FGD5: variants seen among roughly 807,000 people sequenced by gnomAD.
FGD5 encodes the protein FYVE, RhoGEF and PH domain-containing protein 5.
A neutral mutation model predicts 133.4 loss-of-function variants in FGD5; 28 were observed. The observed-to-expected ratio is 0.21, with a 90% CI of 0.16 to 0.29. The LOEUF is 0.29. Ranked by LOEUF, FGD5 falls within the 10% of genes least tolerant of loss-of-function variation. The probability of loss-of-function intolerance (pLI) is 1.00; values close to 1 mark genes in which losing one functional copy is unlikely to be tolerated. For synonymous variants in FGD5, 810 were observed against 776.5 expected (o/e 1.04, Z -0.72); for missense variants, 1,858 against 1,895.2 (o/e 0.98, Z 0.36).
At chr3:14,823,240 A>G (rs189534758) in intron 1 of FGD5, among the ~76,000 whole-genome samples, 2 of 152,304 alleles carry the variant, frequency 1.3e-5, no homozygotes, top group East Asian at 3.9e-4. Flanking sequence ...CTTTACAACA[A>G]TAAACTCTCC....
intron 9 of FGD5, 124 bp downstream of exon 9, chr3:14,901,185 C>T: frequency 9.7e-7 from 1 of 1,030,402 alleles, no homozygotes; most frequent in Non-Finnish European, 1.5e-6. Flanking sequence ...TTGTGGGACT[C>T]TGCAGAGAGC....
rs181920458 is a variant in FGD5, at chr3:14,892,289, C to T, written c.2749-5220C>T. Among the ~76,000 whole-genome samples the T allele has an allele frequency of 2.7e-3, 411 of 152,064 alleles. 5 individuals are homozygous for T. Among genetic ancestry groups the T allele is most frequent in the Non-Finnish European group, 1.5e-3 (100 of 68,002 alleles). On this transcript the variant is annotated intron_variant, in intron 4 of 19. Coordinates refer to ENST00000285046, the MANE Select transcript of FGD5 (RefSeq NM_152536.4). ...CTATCACAACTCACTGCAGTCTCGA[C>T]CTCCCAGATTCAAATGATCCTCCCA...
Position 14,917,458 on chromosome 3 carries a change from T to G in FGD5, c.3489+126T>G. ...AGAGGGAGGCCCTGCGGAAACAGTG[T>G]TGGGCTACAGCAAGTTTGTGCTGTA... On this transcript the variant is annotated intron_variant, in intron 12 of 19. Transcript: ENST00000285046. The surrounding 1 kb of genome is among the most constrained non-coding windows in gnomAD (Gnocchi z 4.1). The G allele has an allele frequency of 1.2e-6, 1 of 827,358 alleles. No individual in the cohort carries two copies. Among genetic ancestry groups the G allele is most frequent in the South Asian group, 1.7e-5 (1 of 57,486 alleles). 51.3% of individuals were successfully genotyped at this position (827,358 alleles called of 1,614,324 possible).
At chr3:14,885,090 A>T (rs1339461606) in intron 4 of FGD5, among the ~76,000 whole-genome samples, 1 of 150,518 alleles carries the variant, frequency 6.6e-6, no homozygotes, top group African/African-American at 2.4e-5. Flanking sequence ...AGGCAAGGTG[A>T]CCCCTTCTTC....
chr3:14,843,590 C>A (rs995753793), intron 1 of FGD5, among the ~76,000 whole-genome samples: 21 of 152,022 alleles, frequency 1.4e-4, no homozygotes, highest in African/African-American at 5.1e-4. Context: ...CCAGCCCCTC[C>A]CCACCAAGGG....
At chr3:14,857,483 A>G (rs1000246678) in intron 1 of FGD5, among the ~76,000 whole-genome samples, 1 of 152,096 alleles carries the variant, frequency 6.6e-6, no homozygotes, top group African/African-American at 2.4e-5. Context: ...CCTCCAAACT[A>G]TCTCTCAAAT....
At chr3:14,883,309 A>G (rs1185686573) in intron 4 of FGD5, among the ~76,000 whole-genome samples, 1 of 152,216 alleles carries the variant, frequency 6.6e-6, no homozygotes, top group Non-Finnish European at 1.5e-5. Context: ...CCCCTTACAG[A>G]AAAAGCTTAC....
intron 2 of FGD5, among the ~76,000 whole-genome samples, chr3:14,877,662 C>T (rs1421980069): frequency 2.0e-5 from 3 of 152,084 alleles, no homozygotes; most frequent in Admixed American, 6.5e-5. Flanking sequence ...ATTGTGGCCA[C>T]GTTCTGAGGA....
In FGD5 at chr3:14,926,210, C is replaced by A; in HGVS notation, c.4197+12C>A. Reference sequence around the variant, plus strand: ...ACATGGCCAGTGAGGTAGTAGTGATCTGCACTCTCTCCCCTCTCCTCTCTC... The same window carrying A: ...ACATGGCCAGTGAGGTAGTAGTGATATGCACTCTCTCCCCTCTCCTCTCTC... On this transcript the variant is annotated intron_variant, in intron 18 of 19. Coordinates refer to ENST00000285046, the MANE Select transcript of FGD5 (RefSeq NM_152536.4). 1 of 1,612,418 alleles carries A rather than the reference C, an allele frequency of 6.2e-7. No individual in the cohort carries two copies. The highest frequency in any genetic ancestry group is 2.2e-5 in the East Asian group (1 of 44,836).
upstream of FGD5, chr3:14,818,922 A>G (rs2036425147): frequency 2.1e-6 from 3 of 1,431,680 alleles, no homozygotes; most frequent in Non-Finnish European, 2.7e-6. Flanking sequence ...AGTTAATTGT[A>G]CTTTTTCTCC....
At position 14,898,043 on chromosome 3, in the gene FGD5, G is replaced by A. The variant is rs1453630592; in HGVS notation, c.3014G>A (p.Ser1005Asn). The change falls in exon 6 of 20, where the codon AGT becomes AAT. Residue 1005 changes from serine (S) to asparagine (N), a missense_variant. Ser to Asn is a conservative substitution (Grantham distance 46). Around this residue, in one of 3 missense-constraint regions of FGD5, gnomAD observed 1,824 missense variants for 1,848.9 expected, o/e 0.99. Coordinates refer to ENST00000285046, the MANE Select transcript of FGD5 (RefSeq NM_152536.4). ...TTCGACAGGTACCTAGGTCTGCTCA[G>A]TGAGAATTGCCTCCACTCTCCCCGG... is the stretch of plus-strand genomic sequence containing the variant. ...LQFDRYLGLLSENCLHSPRLA... is the reference protein window; with the variant it reads ...LQFDRYLGLLNENCLHSPRLA... The A allele has an allele frequency of 1.9e-6, 3 of 1,614,012 alleles. No individual in the cohort carries two copies.
chr3:14,840,614 A>G (rs1343591144), intron 1 of FGD5, among the ~76,000 whole-genome samples: 3 of 152,220 alleles, frequency 2.0e-5, no homozygotes, highest in Admixed American at 2.0e-4. Flanking sequence ...AGGAATTCCA[A>G]TATCCAGTCA....
At chr3:14,849,232 C>A (rs1417030346) in intron 1 of FGD5, among the ~76,000 whole-genome samples, 1 of 152,214 alleles carries the variant, frequency 6.6e-6, no homozygotes, top group Non-Finnish European at 1.5e-5. Context: ...CGCTCCTGTT[C>A]ATGTGCGTCA....
intron 6 of FGD5, among the ~76,000 whole-genome samples, 195 bp downstream of exon 6, chr3:14,898,290 G>A (rs1438802025): frequency 6.6e-6 from 1 of 152,278 alleles, no homozygotes; most frequent in East Asian, 1.9e-4. Context: ...CTGTTGGGCA[G>A]CAGATGACAG....
At chr3:14,916,083 C>T (rs1388192198) in intron 11 of FGD5, among the ~76,000 whole-genome samples, 1 of 152,216 alleles carries the variant, frequency 6.6e-6, no homozygotes, top group East Asian at 1.9e-4. Flanking sequence ...CATGTTGGCT[C>T]CATGTTTAGT....
chr3:14,862,232 A>G (rs560346430), intron 1 of FGD5, among the ~76,000 whole-genome samples: 6 of 152,294 alleles, frequency 3.9e-5, no homozygotes, highest in Non-Finnish European at 7.4e-5. Flanking sequence ...TATCCTGGAT[A>G]GAGCACCACC....
At chr3:14,851,924 T>TTAA (rs2037172082) in intron 1 of FGD5, among the ~76,000 whole-genome samples, 1 of 146,668 alleles carries the variant, frequency 6.8e-6, no homozygotes, top group Non-Finnish European at 1.5e-5. Context: ...ATGGCTAAGA[T>TTAA]AAAAAAAAAA....
intron 4 of FGD5, among the ~76,000 whole-genome samples, chr3:14,888,538 A>T (rs2037966488): frequency 6.6e-6 from 1 of 152,266 alleles, no homozygotes; most frequent in Non-Finnish European, 1.5e-5. Flanking sequence ...AATAAATTAA[A>T]CTAGATATGG....
At chr3:14,835,185 G>T (rs1176699462) in intron 1 of FGD5, among the ~76,000 whole-genome samples, 1 of 152,198 alleles carries the variant, frequency 6.6e-6, no homozygotes, top group African/African-American at 2.4e-5. Flanking sequence ...GAGCAGGGAG[G>T]CTGTCCTGCG....
Sources: gnomAD v4.1 joint callset for allele counts (sites outside exome capture counted in the v4.1 genomes callset) on GRCh38, gnomAD v4.1.1 for gene constraint, gnomAD v4.1.1 regional missense constraint, Gnocchi (gnomAD v3.1) non-coding constraint, MANE v1.5 for transcripts, NCBI Gene and HGNC (gene_info 2026-07-23, HGNC 2026-07-21) for gene names.